Variants in GRID1 observed in about 807,000 individuals in gnomAD.
The protein encoded by GRID1 is glutamate ionotropic receptor delta type subunit 1, also known as glutamate receptor ionotropic, delta-1.
In GRID1, 28 loss-of-function variants were observed where a neutral mutation model predicts 98.0. The ratio of observed to expected loss-of-function variants is 0.29; its 90% CI spans 0.21 to 0.39. GRID1 has a LOEUF of 0.39. Ranked by LOEUF, GRID1 falls within the 10% of genes least tolerant of loss-of-function variation. The probability of loss-of-function intolerance (pLI) is 1.00; values close to 1 mark genes in which losing one functional copy is unlikely to be tolerated. For missense variants in GRID1, 1,111 were observed against 1,340.5 expected, an observed-to-expected ratio of 0.83 and a Z score of 2.67; for synonymous variants, 553 against 538.5, an observed-to-expected ratio of 1.03 and a Z score of -0.37.
intron 8 of GRID1, among the ~76,000 whole-genome samples, chr10:85,752,870 T>TA (rs555719070): frequency 1.4e-3 from 217 of 152,348 alleles, no homozygotes; most frequent in African/African-American, 5.0e-3. Flanking sequence ...TTATTTTAGT[T>TA]AAAAATCAAT....
In GRID1 at chr10:86,019,241, C is replaced by T. The variant is rs375479561; in HGVS notation, c.727-103002G>A. 7.2e-5 allele frequency among the ~76,000 whole-genome samples: 11 copies of T among 152,366 alleles called. No individual in the cohort carries two copies. In the East Asian group the frequency reaches 9.6e-4, roughly 13 times the overall value. ...AAGGGCCTATGGACCCCTGCACACC[C>T]GCATCCCCAGCGCTGACAATGCTTG... On this transcript the variant is annotated intron_variant, in intron 4 of 15. Coordinates refer to ENST00000327946, the MANE Select transcript of GRID1 (RefSeq NM_017551.3).
intron 4 of GRID1, among the ~76,000 whole-genome samples, chr10:85,997,780 G>A (rs558827098): frequency 1.3e-5 from 2 of 152,194 alleles, no homozygotes; most frequent in Non-Finnish European, 2.9e-5. Context: ...GATGGAATAT[G>A]TTTTGAAAAA....
intron 8 of GRID1, among the ~76,000 whole-genome samples, chr10:85,839,336 A>G (rs1357642613): frequency 6.6e-6 from 1 of 152,188 alleles, no homozygotes; most frequent in Admixed American, 6.5e-5. Context: ...AACAGAATAA[A>G]CATCTTCTCA....
At chr10:86,326,545 C>A (rs1486026248) in intron 2 of GRID1, among the ~76,000 whole-genome samples, 1 of 152,178 alleles carries the variant, frequency 6.6e-6, no homozygotes, top group Non-Finnish European at 1.5e-5. Context: ...CAGCTCAAAT[C>A]GTCCATAAGA....
chr10:86,118,004 G>A (rs1364515841), intron 4 of GRID1, among the ~76,000 whole-genome samples: 2 of 152,144 alleles, frequency 1.3e-5, no homozygotes, highest in East Asian at 1.9e-4. Context: ...ACTTGCACAC[G>A]CATGTTTATA....
chr10:86,003,845 C>T (rs935577863), intron 4 of GRID1, among the ~76,000 whole-genome samples: 3 of 152,172 alleles, frequency 2.0e-5, no homozygotes, highest in African/African-American at 4.8e-5. Context: ...TAAAGTGTAA[C>T]GAACTTGGAG....
intron 8 of GRID1, among the ~76,000 whole-genome samples, chr10:85,796,038 G>T (rs78458456): frequency 6.6e-6 from 1 of 152,262 alleles, no homozygotes; most frequent in African/African-American, 2.4e-5. Context: ...AATTGACGAA[G>T]AAAAGACTGG....
intron 3 of GRID1, among the ~76,000 whole-genome samples, chr10:86,172,226 A>G (rs1433118319): frequency 6.6e-6 from 1 of 152,180 alleles, no homozygotes; most frequent in African/African-American, 2.4e-5. Context: ...GCTATCCTGG[A>G]CATTGCATAT....
chr10:86,203,972 G>A (rs1162746643), intron 3 of GRID1, among the ~76,000 whole-genome samples: 2 of 152,082 alleles, frequency 1.3e-5, no homozygotes, highest in Non-Finnish European at 2.9e-5. Flanking sequence ...CTGGTCACTT[G>A]GCGACTTTAT....
At chr10:85,971,149 C>T (rs1325913548) in intron 4 of GRID1, among the ~76,000 whole-genome samples, 1 of 151,978 alleles carries the variant, frequency 6.6e-6, no homozygotes, top group Non-Finnish European at 1.5e-5. Context: ...AACAGATGCA[C>T]TTAGATGGTT....
intron 12 of GRID1, among the ~76,000 whole-genome samples, chr10:85,689,748 A>G (rs1590191145): frequency 6.6e-6 from 1 of 152,306 alleles, no homozygotes; most frequent in East Asian, 1.9e-4. Flanking sequence ...AAGGAGGAGG[A>G]AGGACACATT....
chr10:86,295,350 G>A (rs551357255), intron 2 of GRID1, among the ~76,000 whole-genome samples: 9 of 152,298 alleles, frequency 5.9e-5, no homozygotes, highest in Admixed American at 1.3e-4. Context: ...CAAAGGAGGC[G>A]GACGGATGGG....
chr10:85,947,401 C>T (rs933329655), intron 4 of GRID1, among the ~76,000 whole-genome samples: 3 of 152,072 alleles, frequency 2.0e-5, no homozygotes, highest in African/African-American at 7.2e-5. Context: ...ATTATAATGG[C>T]CATGGATAAC....
At chr10:85,616,403 C>G (rs114015384) in intron 14 of GRID1, among the ~76,000 whole-genome samples, 1 of 152,146 alleles carries the variant, frequency 6.6e-6, no homozygotes, top group African/African-American at 2.4e-5. Context: ...GCTGTTCTTC[C>G]GGGGCCAGCT....
chr10:86,339,229 T>C (rs540777335), intron 2 of GRID1, among the ~76,000 whole-genome samples: 1 of 152,338 alleles, frequency 6.6e-6, no homozygotes, highest in Admixed American at 6.5e-5. Context: ...CTCCCAGGAA[T>C]CCTGCACTTT....
intron 3 of GRID1, among the ~76,000 whole-genome samples, chr10:86,201,916 C>G (rs1236921068): frequency 3.3e-5 from 5 of 152,178 alleles, no homozygotes; most frequent in Admixed American, 3.3e-4. Flanking sequence ...GAGACATGGT[C>G]AGGTGAAGCA....
chr10:86,253,723 A>G (rs1235032878), intron 2 of GRID1, among the ~76,000 whole-genome samples: 2 of 152,170 alleles, frequency 1.3e-5, no homozygotes, highest in African/African-American at 2.4e-5. Flanking sequence ...AGCCACCTTC[A>G]GCCTCAGTGG....
At chr10:85,826,658 G>A (rs1030643383) in intron 8 of GRID1, among the ~76,000 whole-genome samples, 8 of 152,122 alleles carry the variant, frequency 5.3e-5, no homozygotes, top group Non-Finnish European at 2.9e-5. Context: ...GTGGCTACTG[G>A]CAGGCACAAG....
At chr10:85,988,235 C>A (rs751518800) in intron 4 of GRID1, among the ~76,000 whole-genome samples, 1 of 152,120 alleles carries the variant, frequency 6.6e-6, no homozygotes, top group Non-Finnish European at 1.5e-5. Context: ...CAGGTGTCAC[C>A]CTGAGACCCA....
Sources: gnomAD v4.1 joint callset for allele counts (sites outside exome capture counted in the v4.1 genomes callset) on GRCh38, gnomAD v4.1.1 for gene constraint, MANE v1.5 for transcripts, NCBI Gene and HGNC (gene_info 2026-07-23, HGNC 2026-07-21) for gene names.